Variants in THRB observed in about 807,000 individuals in gnomAD.
THRB encodes the protein thyroid hormone receptor beta.
In THRB, 12 loss-of-function variants were observed where a neutral mutation model predicts 47.8. The ratio of observed to expected loss-of-function variants is 0.25; its 90% CI spans 0.16 to 0.41. THRB has a LOEUF of 0.41. THRB is among the 10% of genes least tolerant of loss of function. The pLI, the probability that THRB is intolerant of heterozygous loss-of-function variation, is 1.00. For synonymous variants in THRB, 218 were observed against 212.2 expected, an observed-to-expected ratio of 1.03 and a Z score of -0.24; for missense variants, 348 against 589.2, an observed-to-expected ratio of 0.59 and a Z score of 4.24.
At chr3:24,441,724 C>T (rs1331165160) in intron 1 of THRB, among the ~76,000 whole-genome samples, 1 of 152,140 alleles carries the variant, frequency 6.6e-6, no homozygotes, top group East Asian at 1.9e-4. Context: ...CCCTGTTGCC[C>T]TTGTGATTAA....
At chr3:24,397,320 A>G (rs1011675676) in intron 1 of THRB, among the ~76,000 whole-genome samples, 1 of 152,146 alleles carries the variant, frequency 6.6e-6, no homozygotes, top group African/African-American at 2.4e-5. Flanking sequence ...ATCAAAACAA[A>G]TTATTGCCAT....
intron 3 of THRB, among the ~76,000 whole-genome samples, chr3:24,234,628 C>G (rs1394768): frequency 0.37 from 56,714 of 152,054 alleles, 11,587 homozygotes; most frequent in Middle Eastern, 0.5. Context: ...TCCTGCAAGG[C>G]TTAGGTGAAG....
At chr3:24,263,063 C>A (rs1347635444) in intron 3 of THRB, among the ~76,000 whole-genome samples, 4 of 152,154 alleles carry the variant, frequency 2.6e-5, no homozygotes, top group Non-Finnish European at 5.9e-5. Flanking sequence ...CAGGGGTAAA[C>A]CATTCCATTT....
chr3:24,429,083 T>C (rs112953503), intron 1 of THRB, among the ~76,000 whole-genome samples: 300 of 151,730 alleles, frequency 2.0e-3, no homozygotes, highest in African/African-American at 6.8e-3. Context: ...GAAAACAATA[T>C]CCCATAAAAT....
intron 2 of THRB, among the ~76,000 whole-genome samples, chr3:24,312,364 T>C (rs2057816125): frequency 6.6e-6 from 1 of 152,228 alleles, no homozygotes; most frequent in Non-Finnish European, 1.5e-5. Flanking sequence ...CTCTTGTACC[T>C]AGCACTGTAC....
Position 24,401,537 on chromosome 3 carries a change from A to G in THRB, c.-260-64166T>C, listed in dbSNP as rs536870890. On this transcript the variant is annotated intron_variant, in intron 1 of 10. Transcript: ENST00000646209. ...TTATTATTGCTTTCTAAGGATTACC[A>G]CTACTACTAGCAATGCTGTTACTGC... Among the ~76,000 whole-genome samples, 5 of 152,160 alleles carry G rather than the reference A, an allele frequency of 3.3e-5. No individual in the cohort carries two copies. The South Asian group carries it at 1.0e-3, about 32-fold the overall frequency.
At chr3:24,454,942 G>A (rs1307754045) in intron 1 of THRB, among the ~76,000 whole-genome samples, 1 of 152,054 alleles carries the variant, frequency 6.6e-6, no homozygotes, top group African/African-American at 2.4e-5. Context: ...CATAGAAAAT[G>A]TAGAGTAGTG....
intron 1 of THRB, among the ~76,000 whole-genome samples, chr3:24,416,884 CTAGAT>C (rs2068778374): frequency 6.6e-6 from 1 of 151,834 alleles, no homozygotes; most frequent in African/African-American, 2.4e-5. Flanking sequence ...ACTCAATAGA[CTAGAT>C]AGAGTTTATT....
chr3:24,290,292 C>G (rs764474009), intron 3 of THRB, among the ~76,000 whole-genome samples: 2 of 152,180 alleles, frequency 1.3e-5, no homozygotes, highest in African/African-American at 2.4e-5. Flanking sequence ...CAAGGCCTGT[C>G]TCTCTCTTGG....
intron 3 of THRB, among the ~76,000 whole-genome samples, chr3:24,271,020 A>C (rs2053266705): frequency 6.6e-6 from 1 of 152,190 alleles, no homozygotes; most frequent in Non-Finnish European, 1.5e-5. Flanking sequence ...TTTCCTTTAG[A>C]GATAACATCC....
chr3:24,294,569 C>T (rs931674391), intron 3 of THRB, among the ~76,000 whole-genome samples: 3 of 152,200 alleles, frequency 2.0e-5, no homozygotes, highest in South Asian at 2.1e-4. Flanking sequence ...CAAGACACTG[C>T]TTCTCTTTTG....
intron 3 of THRB, among the ~76,000 whole-genome samples, chr3:24,253,933 C>A (rs964914292): frequency 7.3e-5 from 11 of 151,510 alleles, no homozygotes; most frequent in Admixed American, 1.3e-4. Flanking sequence ...CGAGAGAGAA[C>A]CAGTTGTCCC....
Position 24,119,686 on chromosome 3 carries a change from C to T in THRB, c.*3198G>A, listed in dbSNP as rs971096390. The T allele has an allele frequency of 3.9e-5, 6 of 152,282 alleles. No individual in the cohort carries two copies. Among genetic ancestry groups the T allele is most frequent in the Non-Finnish European group, 7.3e-5 (5 of 68,150 alleles). The allele number at this position is 152,282 out of a possible 1,614,324, so 9.4% of individuals were successfully genotyped here. ...CGCCCGGGGCACAGGTGAGGGGCTT[C>T]GCTGGGCTGAGGCATCAACAGGTCA... On this transcript the variant is annotated 3_prime_UTR_variant, in exon 11 of 11. Coordinates refer to ENST00000646209, the MANE Select transcript of THRB (RefSeq NM_001354712.2).
intron 4 of THRB, among the ~76,000 whole-genome samples, chr3:24,190,570 A>G (rs2043203762): frequency 6.6e-6 from 1 of 152,142 alleles, no homozygotes; most frequent in South Asian, 2.1e-4. Flanking sequence ...GCCTAGAAAG[A>G]CATTAGTTCC....
At chr3:24,421,145 G>A (rs910796226) in intron 1 of THRB, among the ~76,000 whole-genome samples, 1 of 151,852 alleles carries the variant, frequency 6.6e-6, no homozygotes, top group African/African-American at 2.4e-5. Context: ...GGAGCTAAAT[G>A]ATGAGAGCAT....
chr3:24,193,572 G>A (rs754132946), intron 4 of THRB, among the ~76,000 whole-genome samples: 1 of 152,168 alleles, frequency 6.6e-6, no homozygotes, highest in Non-Finnish European at 1.5e-5. Context: ...ACTGAGTGAC[G>A]CCTTAAAAGT....
rs182646910 is a variant in THRB at position 24,302,757 on chromosome 3, A to G, written c.-188-5386T>C. Among the ~76,000 whole-genome samples, 6 of 152,318 alleles carry G rather than the reference A, an allele frequency of 3.9e-5. No homozygotes were observed. The East Asian group carries it at 1.2e-3, about 29-fold the overall frequency. On this transcript the variant is annotated intron_variant, in intron 2 of 10. Coordinates refer to ENST00000646209, the MANE Select transcript of THRB (RefSeq NM_001354712.2). ...CATAGCACTTGCCACCATCTGGCTTACCTACTCATTTATTTTCCATTACCC... is the reference window on the plus strand; with the variant it reads ...CATAGCACTTGCCACCATCTGGCTTGCCTACTCATTTATTTTCCATTACCC...
intron 1 of THRB, among the ~76,000 whole-genome samples, chr3:24,378,635 AG>A (rs1183921070): frequency 6.6e-6 from 1 of 152,180 alleles, no homozygotes; most frequent in Admixed American, 6.5e-5. Context: ...CCTCTTTAGA[AG>A]GGGAGCAGTT....
intron 10 of THRB, 24 bp from the exon 11 acceptor site, chr3:24,123,149 CATTG>C: frequency 6.2e-7 from 1 of 1,613,802 alleles, no homozygotes; most frequent in Non-Finnish European, 8.5e-7. Context: ...AGAAGATGGA[CATTG>C]ATTCAGAGAT....
Sources: gnomAD v4.1 joint callset for allele counts (sites outside exome capture counted in the v4.1 genomes callset) on GRCh38, gnomAD v4.1.1 for gene constraint, MANE v1.5 for transcripts, NCBI Gene and HGNC (gene_info 2026-07-23, HGNC 2026-07-21) for gene names.